Variants in ZBTB40 observed in about 807,000 individuals in gnomAD.
The protein encoded by ZBTB40 is zinc finger and BTB domain containing 40.
Under a neutral mutation model 117.5 loss-of-function variants are expected in ZBTB40, and 60 were observed. That is an observed-to-expected ratio of 0.51 (90% CI 0.41 to 0.63). ZBTB40 has a LOEUF of 0.63. Ranked by LOEUF, ZBTB40 falls within the 30% of genes least tolerant of loss-of-function variation. ZBTB40 has a pLI of 0.00. For synonymous variants in ZBTB40, 525 were observed against 577.1 expected (o/e 0.91, Z 1.29); for missense variants, 1,287 against 1,498.5 (o/e 0.86, Z 2.33).
At chr1:22,467,205 T>C (rs1317702108) in intron 1 of ZBTB40, among the ~76,000 whole-genome samples, 1 of 152,208 alleles carries the variant, frequency 6.6e-6, no homozygotes, top group African/African-American at 2.4e-5. Context: ...GCTACTATCA[T>C]GGATTTCTCA....
intron 1 of ZBTB40, among the ~76,000 whole-genome samples, chr1:22,469,022 T>A (rs1641336048): frequency 6.6e-6 from 1 of 151,870 alleles, no homozygotes; most frequent in South Asian, 2.1e-4. Flanking sequence ...AGAGATGGAG[T>A]GTCACTATGT....
Position 22,517,433 on chromosome 1 carries a change from T to C in ZBTB40, c.2802T>C (p.Asn934=), listed in dbSNP as rs1461864693. Residue 934 remains asparagine (N), a synonymous_variant, in exon 13 of 18, where the codon AAT becomes AAC. Coordinates refer to ENST00000375647, the MANE Select transcript of ZBTB40 (RefSeq NM_014870.4). The part of the protein sequence containing the change: ...RDCGKGFRQA[N]GLSIHLHTFH... Reference sequence around the variant, plus strand: ...GTGGCAAGGGCTTCCGGCAAGCCAATGGCCTCTCCATCCATCTGCACACCT... The same window carrying C: ...GTGGCAAGGGCTTCCGGCAAGCCAACGGCCTCTCCATCCATCTGCACACCT... The C allele has an allele frequency of 1.2e-6, 2 of 1,614,004 alleles. No homozygotes were observed. The highest frequency in any genetic ancestry group is 2.2e-5 in the East Asian group (1 of 44,894).
intron 13 of ZBTB40, 23 bp from the exon 14 acceptor site, chr1:22,520,038 T>C: frequency 6.2e-7 from 1 of 1,611,238 alleles, no homozygotes; most frequent in Non-Finnish European, 8.5e-7. Flanking sequence ...CCTCTTCCTC[T>C]CATGGATGTC....
intron 3 of ZBTB40, among the ~76,000 whole-genome samples, chr1:22,494,073 C>T (rs1405552354): frequency 6.6e-6 from 1 of 152,134 alleles, no homozygotes; most frequent in South Asian, 2.1e-4. Flanking sequence ...ATGCCAGGCA[C>T]TCAGTAGGAG....
upstream of ZBTB40, among the ~76,000 whole-genome samples, chr1:22,449,023 C>T (rs1640822872): frequency 6.6e-6 from 1 of 152,040 alleles, no homozygotes; most frequent in African/African-American, 2.4e-5. Context: ...ACCATGTTGG[C>T]CAGGCTGGTC....
intron 1 of ZBTB40, among the ~76,000 whole-genome samples, chr1:22,465,578 T>C (rs990226989): frequency 6.6e-6 from 1 of 152,184 alleles, no homozygotes; most frequent in African/African-American, 2.4e-5. Context: ...TGGGACTCTG[T>C]CTGCCTGCTG....
intron 1 of ZBTB40, among the ~76,000 whole-genome samples, chr1:22,480,198 G>T (rs1011604505): frequency 1.3e-5 from 2 of 151,970 alleles, no homozygotes; most frequent in Non-Finnish European, 2.9e-5. Flanking sequence ...GAGCCACTGC[G>T]CCCAGCCAGG....
chr1:22,491,706 A>G (rs1307204435), intron 3 of ZBTB40, among the ~76,000 whole-genome samples, 173 bp downstream of exon 3: 1 of 151,682 alleles, frequency 6.6e-6, no homozygotes, highest in African/African-American at 2.4e-5. Context: ...GTACTTAGGC[A>G]GGATACTTTC....
intron 1 of ZBTB40, among the ~76,000 whole-genome samples, chr1:22,438,635 A>G (rs1210594863): frequency 6.6e-6 from 1 of 152,162 alleles, no homozygotes; most frequent in African/African-American, 2.4e-5. Flanking sequence ...TACACTACCA[A>G]CAGTGCACAA....
chr1:22,480,684 C>G (rs1429421775), intron 1 of ZBTB40, among the ~76,000 whole-genome samples: 4 of 152,042 alleles, frequency 2.6e-5, no homozygotes, highest in African/African-American at 7.2e-5. Context: ...TATGTGAGTC[C>G]CTGTGTTTTT....
rs112501015 is a variant in ZBTB40, at chr1:22,493,086, G to A, written c.831+1553G>A. 4.6e-3 allele frequency among the ~76,000 whole-genome samples: 694 copies of A among 152,272 alleles called. 7 individuals carry two copies. The highest frequency in any genetic ancestry group is 0.016 in the African/African-American group (653 of 41,548). On this transcript the variant is annotated intron_variant, in intron 3 of 17. Coordinates refer to ENST00000375647, the MANE Select transcript of ZBTB40 (RefSeq NM_014870.4). The stretch of plus-strand genomic sequence containing the variant: ...TTTTTTTTAACATTGGTACCTAAAA[G>A]TATGTGGCATGTAACAGGTGATGAA...
At chr1:22,479,792 C>T (rs1250986624) in intron 1 of ZBTB40, among the ~76,000 whole-genome samples, 1 of 152,106 alleles carries the variant, frequency 6.6e-6, no homozygotes, top group Non-Finnish European at 1.5e-5. Context: ...TTAACTGCTA[C>T]CTTATAAGCA....
At chr1:22,465,412 C>T (rs1054317810) in intron 1 of ZBTB40, among the ~76,000 whole-genome samples, 3 of 152,082 alleles carry the variant, frequency 2.0e-5, no homozygotes, top group South Asian at 2.1e-4. Flanking sequence ...GGAGGAAGTG[C>T]GGTATGTGCC....
At position 22,513,215 on chromosome 1, in the gene ZBTB40, TCAAAAA is replaced by T. The variant is rs1639290041; in HGVS notation, c.2668+91_2668+96del. On this transcript the variant is annotated intron_variant, in intron 12 of 17. Coordinates refer to ENST00000375647, the MANE Select transcript of ZBTB40 (RefSeq NM_014870.4). This position sits in a 1 kb window ranked among gnomAD's most constrained non-coding sequence, Gnocchi z 4.9. The stretch of plus-strand genomic sequence containing the variant: ...ATTTGGATTAGGTGTGATATATATC[TCAAAAA>T]CAAAACAATTTGATAGCACAACAGG... The T allele has an allele frequency of 4.1e-6, 6 of 1,462,812 alleles. No individual in the cohort carries two copies. The highest frequency in any genetic ancestry group is 4.7e-6 in the Non-Finnish European group (5 of 1,070,408). 90.6% of individuals were successfully genotyped at this position (1,462,812 alleles called of 1,614,324 possible).
chr1:22,433,948 T>G (rs1225388935), intron 1 of ZBTB40, among the ~76,000 whole-genome samples: 1 of 152,128 alleles, frequency 6.6e-6, no homozygotes, highest in Non-Finnish European at 1.5e-5. Context: ...TGTATATACA[T>G]TCTTTAGTAC....
intron 1 of ZBTB40, among the ~76,000 whole-genome samples, chr1:22,488,211 A>G (rs1430903203): frequency 6.6e-6 from 1 of 152,216 alleles, no homozygotes; most frequent in Non-Finnish European, 1.5e-5. Context: ...AATCAACAGT[A>G]TTTGTGTTAA....
chr1:22,470,842 A>G (rs1641387268), intron 1 of ZBTB40, among the ~76,000 whole-genome samples: 1 of 152,198 alleles, frequency 6.6e-6, no homozygotes, highest in South Asian at 2.1e-4. Flanking sequence ...CATTTACTTT[A>G]ATGGTAAAGA....
At chr1:22,512,382 T>G (rs1393134756) in intron 11 of ZBTB40, among the ~76,000 whole-genome samples, 4 of 152,194 alleles carry the variant, frequency 2.6e-5, no homozygotes, top group Admixed American at 2.0e-4. Context: ...TTATGAAGAC[T>G]TAAGGTAACA....
Position 22,490,234 on chromosome 1 carries a change from T to G in ZBTB40, c.286T>G (p.Leu96Val). Residue 96 changes from leucine to valine, a missense_variant, in exon 2 of 18, where the codon TTA becomes GTA. Around this residue, in one of 2 missense-constraint regions of ZBTB40, gnomAD observed 870 missense variants for 934.4 expected, o/e 0.93. Transcript: ENST00000375647. ...GKHNFSKIIS[L>V]ADSLQMFDVA... ...GCACAACTTCTCCAAAATCATCTCC[T>G]TAGCAGACAGTCTACAGATGTTTGA... The G allele has an allele frequency of 6.2e-7, 1 of 1,614,180 alleles. No individual in the cohort carries two copies. Among genetic ancestry groups the G allele is most frequent in the South Asian group, 1.1e-5 (1 of 91,086 alleles).
Sources: gnomAD v4.1 joint callset for allele counts (sites outside exome capture counted in the v4.1 genomes callset) on GRCh38, gnomAD v4.1.1 for gene constraint, gnomAD v4.1.1 regional missense constraint, Gnocchi (gnomAD v3.1) non-coding constraint, MANE v1.5 for transcripts, NCBI Gene and HGNC (gene_info 2026-07-23, HGNC 2026-07-21) for gene names.